Variants in LY96 observed in about 807,000 individuals in gnomAD.
The protein encoded by LY96 is lymphocyte antigen 96, also known as myeloid differentiation protein-2.
In LY96, 18 loss-of-function variants were observed where a neutral mutation model predicts 18.9. The ratio of observed to expected loss-of-function variants is 0.95; its 90% CI spans 0.66 to 1.41. The LOEUF is 1.41. LY96 is among the 40% of genes most tolerant of loss of function. The pLI, the probability that LY96 is intolerant of heterozygous loss-of-function variation, is 0.00. For synonymous variants in LY96, 66 were observed against 62.6 expected, an observed-to-expected ratio of 1.06 and a Z score of -0.26; for missense variants, 175 against 182.4, an observed-to-expected ratio of 0.96 and a Z score of 0.23.
the LY96 span, among the ~76,000 whole-genome samples, chr8:74,081,087 C>CTCTTTCTTTCTTTCTTTCTT: frequency 7.4e-3 from 692 of 92,958 alleles, 16 homozygotes; most frequent in East Asian, 0.023. Flanking sequence ...TTCTCTTTCT[C>CTCTTTCTTTCTTTCTTTCTT]TCTTTCTTTC....
At chr8:74,056,354 G>A in the LY96 span, 2 of 348,544 alleles carry the variant, frequency 5.7e-6, no homozygotes, top group Admixed American at 3.9e-5. Context: ...AAATCCGGAA[G>A]AAGATGATGG....
the LY96 span, among the ~76,000 whole-genome samples, chr8:74,081,122 T>TTTCTTTCTTTCTTTCTTTCC: frequency 9.3e-4 from 115 of 124,324 alleles, 2 homozygotes; most frequent in Admixed American, 4.4e-3. Context: ...TCTTTCTTTC[T>TTTCTTTCTTTCTTTCTTTCC]TTCCTTCCTT....
chr8:74,086,941 G>A, the LY96 span, among the ~76,000 whole-genome samples: 1 of 152,240 alleles, frequency 6.6e-6, no homozygotes, highest in Non-Finnish European at 1.5e-5. Context: ...ATAAATTTCT[G>A]TTGTTTACAA....
chr8:73,994,632 G>T (rs527623385), intron 1 of LY96, among the ~76,000 whole-genome samples: 1 of 151,678 alleles, frequency 6.6e-6, no homozygotes, highest in African/African-American at 2.4e-5. Flanking sequence ...GACTACAGGC[G>T]TGCACCACCA....
chr8:74,026,260 AT>A (rs1274893271), intron 3 of LY96, among the ~76,000 whole-genome samples: 1 of 152,044 alleles, frequency 6.6e-6, no homozygotes, highest in African/African-American at 2.4e-5. Flanking sequence ...TAGGATGTGC[AT>A]TTTTCTGCAC....
chr8:74,074,233 C>T, the LY96 span, among the ~76,000 whole-genome samples: 3 of 152,182 alleles, frequency 2.0e-5, no homozygotes, highest in African/African-American at 7.2e-5. Context: ...CTCCTGACCT[C>T]AAGTAATCCA....
the LY96 span, among the ~76,000 whole-genome samples, chr8:74,042,475 G>A: frequency 6.6e-6 from 1 of 151,896 alleles, no homozygotes; most frequent in African/African-American, 2.4e-5. Flanking sequence ...GAGCAACCGA[G>A]ATCGTTCACT....
At chr8:74,018,658 A>G (rs575940391) in intron 3 of LY96, among the ~76,000 whole-genome samples, 1 of 152,332 alleles carries the variant, frequency 6.6e-6, no homozygotes, top group South Asian at 2.1e-4. Context: ...TCCAAAATTG[A>G]CCACATAGTT....
intron 1 of LY96, among the ~76,000 whole-genome samples, chr8:74,002,093 T>TTCTTTCTTTCTCTCTCTCTCTCTC (rs1563710943): frequency 2.6e-5 from 1 of 38,700 alleles, no homozygotes; most frequent in African/African-American, 1.6e-4. Context: ...CTTTCTTTCT[T>TTCTTTCTTTCTCTCTCTCTCTCTC]TCTCTCTCTC....
chr8:74,070,737 TA>T, the LY96 span, among the ~76,000 whole-genome samples: 5 of 151,334 alleles, frequency 3.3e-5, no homozygotes, highest in South Asian at 2.1e-4. Context: ...CTTGCTTTTT[TA>T]AAAAAAAATT....
chr8:74,001,849 C>T (rs890136891), intron 1 of LY96, among the ~76,000 whole-genome samples: 3 of 151,924 alleles, frequency 2.0e-5, no homozygotes, highest in Non-Finnish European at 4.4e-5. Context: ...AAAAACAAAC[C>T]AACAAACAAA....
rs1453606076 is a variant in LY96, at chr8:74,026,773, T to C, written c.332-16T>C. The C allele has an allele frequency of 6.8e-7, 1 of 1,464,212 alleles. No individual in the cohort carries two copies. The highest frequency in any genetic ancestry group is 1.1e-5 in the South Asian group (1 of 87,488). 90.7% of individuals were successfully genotyped at this position (1,464,212 alleles called of 1,614,324 possible). A position where few individuals can be genotyped will look rare whatever the true frequency, so the allele number is the denominator to read the frequency against. ...CCGTGACCAATAACGTTTTGTATTT[T>C]ATATTTTGTTTGCAGAGACTGTGAA... On this transcript the variant is annotated splice_polypyrimidine_tract_variant and intron_variant, in intron 3 of 4. Transcript: ENST00000284818.
At chr8:74,087,798 T>G in the LY96 span, among the ~76,000 whole-genome samples, 1 of 152,198 alleles carries the variant, frequency 6.6e-6, no homozygotes, top group African/African-American at 2.4e-5. Context: ...AAAGGCATAG[T>G]TTGTCCTCAC....
chr8:74,095,266 C>T, the LY96 span, among the ~76,000 whole-genome samples: 141 of 152,206 alleles, frequency 9.3e-4, no homozygotes, highest in African/African-American at 3.1e-3. Context: ...GAAGAGAGAA[C>T]AAAGAGTCAG....
the LY96 span, among the ~76,000 whole-genome samples, chr8:74,069,922 A>G: frequency 9.5e-4 from 145 of 152,276 alleles, no homozygotes; most frequent in Admixed American, 2.2e-3. Context: ...TTAGAAAATG[A>G]ATCAGTAATT....
At chr8:74,049,042 G>C in the LY96 span, among the ~76,000 whole-genome samples, 1 of 152,098 alleles carries the variant, frequency 6.6e-6, no homozygotes, top group South Asian at 2.1e-4. Context: ...TGGATATGAG[G>C]ACACCTAGTG....
the LY96 span, among the ~76,000 whole-genome samples, chr8:74,081,107 TTC>T: frequency 7.1e-6 from 1 of 139,874 alleles, no homozygotes; most frequent in Non-Finnish European, 1.5e-5. Flanking sequence ...CTTTCTTTCT[TTC>T]TTTCTTTCTT....
chr8:74,057,213 G>A, the LY96 span, among the ~76,000 whole-genome samples: 1 of 152,096 alleles, frequency 6.6e-6, no homozygotes, highest in South Asian at 2.1e-4. Flanking sequence ...CTAAGGAATT[G>A]AACATGCGTA....
chr8:73,996,373 CTTTCTTTCTTTCT>C (rs1816137045), intron 1 of LY96, among the ~76,000 whole-genome samples: 3 of 18,040 alleles, frequency 1.7e-4, no homozygotes, highest in East Asian at 1.2e-3. Context: ...TCCTTCATTC[CTTTCTTTCTTTCT>C]TTCTTTCTTT....
Sources: gnomAD v4.1 joint callset for allele counts (sites outside exome capture counted in the v4.1 genomes callset) on GRCh38, gnomAD v4.1.1 for gene constraint, MANE v1.5 for transcripts, NCBI Gene and HGNC (gene_info 2026-07-23, HGNC 2026-07-21) for gene names.